Variants in USP9X observed in about 807,000 individuals in gnomAD.
USP9X encodes ubiquitin carboxyl-terminal hydrolase 9X.
Under a neutral mutation model 190.3 loss-of-function variants are expected in USP9X, and 7 were observed. That is an observed-to-expected ratio of 0.04 (90% CI 0.02 to 0.07). The LOEUF is 0.07. USP9X is among the 10% of genes least tolerant of loss of function. USP9X has a pLI of 1.00. For synonymous variants in USP9X, 645 were observed against 659.5 expected (o/e 0.98, Z 0.34); for missense variants, 1,010 against 1,916.9 (o/e 0.53, Z 8.83).
At chrX:41,176,855 C>T (rs2062779198) in intron 21 of USP9X, among the ~76,000 whole-genome samples, 1 of 112,271 alleles carries the variant, frequency 8.9e-6, no homozygotes, top group African/African-American at 3.2e-5. Flanking sequence ...TATAGCATAA[C>T]AGACTGTAAT....
rs775792972 is a variant in USP9X, at chrX:41,167,547, G to A, written c.2394G>A (p.Thr798=). The A allele has an allele frequency of 7.5e-6, 9 of 1,204,334 alleles. No individual in the cohort carries two copies. The highest frequency in any genetic ancestry group is 3.0e-5 in the East Asian group (1 of 33,532). The change falls in exon 17 of 45, where the codon ACG becomes ACA. Residue 798 remains threonine, a synonymous_variant. Transcript: ENST00000378308. ...RAIDLLKEIY[T]NLGPRLQVNQ... ...TAGATCTCCTCAAAGAGATATACAC[G>A]AACCTTGGTCCAAGACTACAAGTCA...
intron 26 of USP9X, among the ~76,000 whole-genome samples, chrX:41,192,781 T>C (rs1444980641): frequency 9.0e-6 from 1 of 111,196 alleles, no homozygotes; most frequent in Non-Finnish European, 1.9e-5. Context: ...AATCTTAGCC[T>C]TCTAGGAGCT....
chrX:41,104,070 C>T (rs747823311), intron 1 of USP9X, among the ~76,000 whole-genome samples: 1 of 111,095 alleles, frequency 9.0e-6, no homozygotes, highest in Non-Finnish European at 1.9e-5. Context: ...ATACCACCCC[C>T]ACTCCCCCTT....
chrX:41,131,813 G>T (rs1040147559), intron 4 of USP9X, among the ~76,000 whole-genome samples: 6 of 111,522 alleles, frequency 5.4e-5, no homozygotes, highest in African/African-American at 2.0e-4. Context: ...TTAATTGAGG[G>T]TCTTATCTGT....
chrX:41,109,038 G>T (rs762980358), intron 1 of USP9X, among the ~76,000 whole-genome samples: 1 of 111,497 alleles, frequency 9.0e-6, no homozygotes, highest in Non-Finnish European at 1.9e-5. Flanking sequence ...GTCGGGGGAG[G>T]TGTGTTCTTG....
In USP9X at chrX:41,229,373, A is replaced by T; in HGVS notation, c.7182A>T (p.Leu2394=). ...AGTGTATAAAATGTATGGTAGCTCTATTTAGTAACTGTCCTGTTGCTTACC... is the reference window on the plus strand; with the variant it reads ...AGTGTATAAAATGTATGGTAGCTCTTTTTAGTAACTGTCCTGTTGCTTACC... ...AYQCIKCMVA[L]FSNCPVAYQI... is the part of the protein sequence containing the mutation. The change falls in exon 42 of 45, where the codon CTA becomes CTT. Residue 2394 remains leucine, a synonymous_variant. Coordinates refer to ENST00000378308, the MANE Select transcript of USP9X (RefSeq NM_001039591.3). The T allele has an allele frequency of 8.4e-7, 1 of 1,194,304 alleles. No individual in the cohort carries two copies. The highest frequency in any genetic ancestry group is 1.1e-6 in the Non-Finnish European group (1 of 888,739).
intron 1 of USP9X, among the ~76,000 whole-genome samples, chrX:41,090,681 C>T (rs1158189560): frequency 9.0e-6 from 1 of 110,681 alleles, no homozygotes; most frequent in Non-Finnish European, 1.9e-5. Flanking sequence ...TTTTGCAGTC[C>T]CTTTTAGGGA....
Position 41,141,442 on chromosome X carries a change from C to T in USP9X, c.1161+11C>T, listed in dbSNP as rs2062421643. The T allele has an allele frequency of 3.5e-6, 4 of 1,157,078 alleles. No homozygotes were observed. Among genetic ancestry groups the T allele is most frequent in the African/African-American group, 1.8e-5 (1 of 55,696 alleles). On this transcript the variant is annotated intron_variant, in intron 9 of 44. Coordinates refer to ENST00000378308, the MANE Select transcript of USP9X (RefSeq NM_001039591.3). The stretch of plus-strand genomic sequence containing the variant: ...GCTGAACGAATGGCAGTGAGTCTTT[C>T]AGTTCTTCTTCATAGGAATAAGAAT...
At chrX:41,201,031 C>G (rs768805630) in intron 30 of USP9X, 29 bp from the exon 31 acceptor site, 34 of 1,190,520 alleles carry the variant, frequency 2.9e-5, no homozygotes, top group Non-Finnish European at 3.6e-5. Flanking sequence ...TGGCCGTGTT[C>G]ATGCTACAAG....
chrX:41,206,752 TTTATTA>T (rs1192046973), intron 32 of USP9X, among the ~76,000 whole-genome samples: 15 of 109,825 alleles, frequency 1.4e-4, no homozygotes, highest in African/African-American at 4.9e-4. Context: ...ACAGCAATTT[TTTATTA>T]TTATTATTAT....
At chrX:41,169,299 T>C (rs763724215) in intron 18 of USP9X, among the ~76,000 whole-genome samples, 83 of 111,307 alleles carry the variant, frequency 7.5e-4, no homozygotes, top group Non-Finnish European at 1.1e-3. Flanking sequence ...AAAAATAGTC[T>C]TAGTGAGTTG....
At chrX:41,105,687 G>A (rs1214869458) in intron 1 of USP9X, among the ~76,000 whole-genome samples, 5 of 112,018 alleles carry the variant, frequency 4.5e-5, no homozygotes, top group African/African-American at 1.6e-4. Context: ...TGTATCATAT[G>A]TAAATTCTGT....
intron 1 of USP9X, among the ~76,000 whole-genome samples, chrX:41,103,780 A>G (rs1488806889): frequency 1.8e-5 from 2 of 111,636 alleles, no homozygotes; most frequent in Non-Finnish European, 3.8e-5. Flanking sequence ...CTTACTTAAT[A>G]TTATTGCTGG....
chrX:41,188,246 T>A, intron 25 of USP9X, 129 bp downstream of exon 25: 1 of 693,670 alleles, frequency 1.4e-6, no homozygotes, highest in Non-Finnish European at 2.1e-6. Flanking sequence ...GAAAATTAAT[T>A]GATAGCTATG....
intron 31 of USP9X, among the ~76,000 whole-genome samples, chrX:41,202,124 C>T (rs991311775): frequency 7.2e-5 from 8 of 111,685 alleles, no homozygotes; most frequent in African/African-American, 2.3e-4. Context: ...TATTTTATGC[C>T]AAGTTATACA....
At chrX:41,183,913 A>G (rs1270425897) in intron 21 of USP9X, 85 bp from the exon 22 acceptor site, 1 of 1,062,334 alleles carries the variant, frequency 9.4e-7, no homozygotes, top group Non-Finnish European at 1.2e-6. Context: ...GTTATTCCAT[A>G]TTAGTATGGT....
chrX:41,189,813 G>GT (rs59283142), intron 26 of USP9X: 11 of 132,311 alleles, frequency 8.3e-5, no homozygotes, highest in African/African-American at 1.9e-4. Flanking sequence ...TAGATGCCAG[G>GT]TTTTTTTTAA....
intron 33 of USP9X, among the ~76,000 whole-genome samples, chrX:41,212,021 G>C (rs1220239710): frequency 2.8e-5 from 3 of 107,179 alleles, no homozygotes; most frequent in Non-Finnish European, 6.0e-5. Flanking sequence ...GAATAGAAAG[G>C]GGGGAAAGGT....
chrX:41,216,355 T>C lies in USP9X; in HGVS notation c.5788T>C (p.Phe1930Leu), dbSNP rs1451683856. 8.3e-7 allele frequency: 1 copy of C among 1,211,552 alleles called. No individual in the cohort carries two copies. Among genetic ancestry groups the C allele is most frequent in the Non-Finnish European group, 1.1e-6 (1 of 895,441 alleles). The change falls in exon 35 of 45, where the codon TTT (phenylalanine) becomes CTT (leucine). Residue 1930 changes from phenylalanine to leucine, a missense_variant. Around this residue, in one of 11 missense-constraint regions of USP9X, gnomAD observed 120 missense variants for 342.7 expected, o/e 0.35. Coordinates refer to ENST00000378308, the MANE Select transcript of USP9X (RefSeq NM_001039591.3). ...TGGTGGAGAGTACATGGGAGAAGTGTTTGATCACATGATGAAGCGTATGTC... is the reference window on the plus strand; with the variant it reads ...TGGTGGAGAGTACATGGGAGAAGTGCTTGATCACATGATGAAGCGTATGTC... ...CFGGEYMGEV[F>L]DHMMKRMSYR...
Sources: allele counts gnomAD v4.1 joint callset (sites outside exome capture counted in the v4.1 genomes callset), GRCh38; gene constraint gnomAD v4.1.1; regional missense constraint gnomAD v4.1.1; transcripts MANE v1.5; gene names NCBI Gene and HGNC (gene_info 2026-07-23, HGNC 2026-07-21).